The following NAV2 variants were observed in gnomAD, a reference collection of about 807,000 sequenced individuals.
The protein encoded by NAV2 is helicase, APC down-regulated 1.
Under a neutral mutation model 223.2 loss-of-function variants are expected in NAV2, and 54 were observed. The observed-to-expected ratio is 0.24, with a 90% CI of 0.19 to 0.30. The LOEUF is 0.30. Among genes scored for constraint, NAV2 ranks in the 10% least tolerant of loss-of-function variants. NAV2 has a pLI of 1.00. For missense variants in NAV2, 2,806 were observed against 3,147.5 expected, an observed-to-expected ratio of 0.89 and a Z score of 2.60; for synonymous variants, 1,279 against 1,239.3, an observed-to-expected ratio of 1.03 and a Z score of -0.67.
intron 1 of NAV2, among the ~76,000 whole-genome samples, chr11:19,495,136 T>A (rs2042753592): frequency 6.6e-6 from 1 of 152,250 alleles, no homozygotes. Flanking sequence ...GGTCACAGCA[T>A]GAACTCAGCT....
rs937170034 is a variant in NAV2 at position 20,091,085 on chromosome 11, C to T, written c.5652+67C>T. On this transcript the variant is annotated intron_variant, in intron 27 of 37. Transcript: ENST00000349880. Reference sequence around the variant, plus strand: ...GAAGGAGCTCCCAGAGGCTGCTCTCCACTAAGCCCTGAGGGCTGCATCAGA... The same window carrying T: ...GAAGGAGCTCCCAGAGGCTGCTCTCTACTAAGCCCTGAGGGCTGCATCAGA... 5 of 1,557,602 alleles carry T rather than the reference C, an allele frequency of 3.2e-6. No individual in the cohort carries two copies. The African/African-American group carries it at 6.8e-5, about 21-fold the overall frequency.
chr11:19,678,282 C>T (rs758234771), intron 1 of NAV2, among the ~76,000 whole-genome samples: 14 of 152,140 alleles, frequency 9.2e-5, no homozygotes, highest in Non-Finnish European at 1.5e-4. Flanking sequence ...ACAATGGGTA[C>T]AATTAGTATT....
intron 1 of NAV2, among the ~76,000 whole-genome samples, chr11:19,659,953 CTATTAT>C (rs144868564): frequency 1.6e-4 from 24 of 151,012 alleles, no homozygotes; most frequent in African/African-American, 1.9e-4. Context: ...CACAAAAGAA[CTATTAT>C]TATTATTATT....
At chr11:20,100,214 T>G (rs10833242) in intron 31 of NAV2, among the ~76,000 whole-genome samples, 45,069 of 152,080 alleles carry the variant, frequency 0.3, 8,001 homozygotes, top group East Asian at 0.85. Context: ...GATACCCCTT[T>G]TGAAGCCAAC....
At chr11:19,784,596 G>A (rs2152694673) in intron 1 of NAV2, among the ~76,000 whole-genome samples, 1 of 152,050 alleles carries the variant, frequency 6.6e-6, no homozygotes, top group South Asian at 2.1e-4. Flanking sequence ...TGATCATTGA[G>A]ATACAGTTGT....
chr11:19,473,244 C>G (rs1425598567), intron 1 of NAV2, among the ~76,000 whole-genome samples: 1 of 151,730 alleles, frequency 6.6e-6, no homozygotes, highest in African/African-American at 2.4e-5. Context: ...TGATCAAACC[C>G]TTATCTGCTG....
rs1316828067 is a variant in NAV2, at chr11:19,948,786, G to T, written c.2351G>T (p.Arg784Ile). ...LTGRPTPLSWRLGQSSPRLQA... is the reference protein window; with the variant it reads ...LTGRPTPLSWILGQSSPRLQA... ...GGGAGGCCCACACCTCTGTCCTGGA[G>T]ACTGGGCCAGTCCAGCCCTCGGCTC... The change falls in exon 10 of 38, where the codon AGA becomes ATA. Residue 784 changes from arginine to isoleucine, a missense_variant. Arg to Ile is a moderately conservative substitution (Grantham distance 97, BLOSUM62 -3). Coordinates refer to ENST00000349880, the MANE Select transcript of NAV2 (RefSeq NM_145117.5). 1.9e-6 allele frequency: 3 copies of T among 1,614,040 alleles called. No homozygotes were observed. The South Asian group carries it at 3.3e-5, about 18-fold the overall frequency.
intron 1 of NAV2, among the ~76,000 whole-genome samples, chr11:19,498,250 T>C (rs907612356): frequency 1.3e-5 from 2 of 152,212 alleles, no homozygotes. Flanking sequence ...GGGCCACTGA[T>C]GTGGTCAAAT....
chr11:19,673,186 G>A (rs1285182670), intron 1 of NAV2, among the ~76,000 whole-genome samples: 1 of 152,220 alleles, frequency 6.6e-6, no homozygotes, highest in Non-Finnish European at 1.5e-5. Flanking sequence ...ACGCAACCCT[G>A]TAATGATACT....
At chr11:19,658,295 G>A (rs79080526) in intron 1 of NAV2, among the ~76,000 whole-genome samples, 243 of 152,190 alleles carry the variant, frequency 1.6e-3, no homozygotes, top group African/African-American at 5.6e-3. Flanking sequence ...TAGACTTTTA[G>A]CTATTATTCT....
In NAV2 at chr11:19,461,068, T is replaced by A. The variant is rs540409253; in HGVS notation, c.75+110041T>A. On this transcript the variant is annotated intron_variant, in intron 1 of 37. Coordinates refer to the NAV2 transcript ENST00000360655. ...GTCTACAGAGTTCAGGTGCTGCAGT[T>A]GTAATTTGTAACCAGCACTTTCCCA... Among the ~76,000 whole-genome samples, 4 of 152,264 alleles carry A rather than the reference T, an allele frequency of 2.6e-5. 1 individual carries two copies. In the South Asian group the frequency reaches 8.3e-4, roughly 32 times the overall value.
chr11:19,732,090 C>T (rs11025225), intron 1 of NAV2, among the ~76,000 whole-genome samples: 18,680 of 151,850 alleles, frequency 0.12, 1,392 homozygotes, highest in East Asian at 0.24. Flanking sequence ...CTCTACTAAA[C>T]AAAAATACAA....
At chr11:19,619,602 G>C (rs1350076867) in intron 1 of NAV2, among the ~76,000 whole-genome samples, 1 of 152,104 alleles carries the variant, frequency 6.6e-6, no homozygotes, top group African/African-American at 2.4e-5. Context: ...CTTTTTGATG[G>C]GGTTGTTTGA....
At chr11:19,898,362 C>T (rs569439538) in intron 6 of NAV2, among the ~76,000 whole-genome samples, 3 of 152,262 alleles carry the variant, frequency 2.0e-5, no homozygotes, top group East Asian at 1.9e-4. Flanking sequence ...ATTTTATGCA[C>T]ATATGATCAC....
intron 1 of NAV2, among the ~76,000 whole-genome samples, chr11:19,685,569 T>C (rs910342794): frequency 2.0e-5 from 3 of 152,162 alleles, no homozygotes; most frequent in Non-Finnish European, 4.4e-5. Flanking sequence ...TCTGCAAAGA[T>C]GAATTTAGTG....
intron 30 of NAV2, 73 bp downstream of exon 30, chr11:20,095,840 G>A (rs2061224551): frequency 9.0e-7 from 1 of 1,107,524 alleles, no homozygotes; most frequent in Non-Finnish European, 1.4e-6. Flanking sequence ...GAAAAGAGAG[G>A]TTGATGTCCT....
intron 1 of NAV2, among the ~76,000 whole-genome samples, chr11:19,631,773 T>C (rs1565120272): frequency 6.6e-6 from 1 of 152,230 alleles, no homozygotes; most frequent in Non-Finnish European, 1.5e-5. Context: ...GATGCCTCCA[T>C]GGGCATCATG....
chr11:19,528,467 T>C (rs1176413042), intron 1 of NAV2, among the ~76,000 whole-genome samples: 1 of 152,114 alleles, frequency 6.6e-6, no homozygotes, highest in Non-Finnish European at 1.5e-5. Context: ...ACTGTCTGAC[T>C]TCCAAAGACC....
intron 1 of NAV2, among the ~76,000 whole-genome samples, chr11:19,699,632 T>A (rs2049451970): frequency 6.6e-6 from 1 of 152,202 alleles, no homozygotes; most frequent in Non-Finnish European, 1.5e-5. Flanking sequence ...ATCCCATATG[T>A]GATACTCCAT....
Sources: gnomAD v4.1 joint callset for allele counts (sites outside exome capture counted in the v4.1 genomes callset) on GRCh38, gnomAD v4.1.1 for gene constraint, MANE v1.5 for transcripts, NCBI Gene and HGNC (gene_info 2026-07-23, HGNC 2026-07-21) for gene names.